ANO2: variants seen among roughly 807,000 people sequenced by gnomAD.
The protein encoded by ANO2 is anoctamin-2.
ANO2 carries 101 observed loss-of-function variants against 124.2 expected under a neutral mutation model. That is an observed-to-expected ratio of 0.81 (90% CI 0.69 to 0.96). The LOEUF is 0.96. ANO2 is among the 40% of genes least tolerant of loss of function. The pLI is 0.00. For synonymous variants in ANO2, 486 were observed against 482.5 expected (o/e 1.01, Z -0.09); for missense variants, 1,293 against 1,274.5 (o/e 1.01, Z -0.22).
At chr12:5,681,956 T>C (rs2137001717) in intron 14 of ANO2, among the ~76,000 whole-genome samples, 1 of 152,322 alleles carries the variant, frequency 6.6e-6, no homozygotes, top group South Asian at 2.1e-4. Context: ...GAAGGGATAA[T>C]TGGGGAAAAT....
At chr12:5,812,152 G>C (rs1286939460) in intron 7 of ANO2, among the ~76,000 whole-genome samples, 1 of 145,120 alleles carries the variant, frequency 6.9e-6, no homozygotes, top group Admixed American at 6.9e-5. Context: ...CAGGGCAGGG[G>C]AGTGGAGGGG....
chr12:5,703,519 T>C (rs1450340737), intron 14 of ANO2, among the ~76,000 whole-genome samples: 1 of 152,150 alleles, frequency 6.6e-6, no homozygotes. Context: ...CATGGTTCCA[T>C]GGGTATTCAT....
At position 5,854,158 on chromosome 12, in the gene ANO2, A is replaced by C. The variant is rs746642538; in HGVS notation, c.535-17T>G. On this transcript the variant is annotated splice_polypyrimidine_tract_variant and intron_variant, in intron 3 of 24. Transcript: ENST00000682330. Reference sequence around the variant, plus strand: ...GCTTTTATTCTGCAAGGTACAAAGAAAGAACAAATGGAAACACTTGTAAGG... The same window carrying C: ...GCTTTTATTCTGCAAGGTACAAAGACAGAACAAATGGAAACACTTGTAAGG... 7 of 1,606,584 alleles carry C rather than the reference A, an allele frequency of 4.4e-6. No individual in the cohort carries two copies. The highest frequency in any genetic ancestry group is 1.3e-5 in the African/African-American group (1 of 74,720).
At chr12:5,790,372 A>G (rs12300236) in intron 10 of ANO2, among the ~76,000 whole-genome samples, 22,375 of 151,846 alleles carry the variant, frequency 0.15, 1,825 homozygotes, top group African/African-American at 0.21. Context: ...CCTCTCCTGA[A>G]TTTCCCCCAC....
intron 16 of ANO2, among the ~76,000 whole-genome samples, chr12:5,616,764 A>G (rs2136912158): frequency 1.3e-5 from 2 of 152,262 alleles, no homozygotes; most frequent in Middle Eastern, 6.8e-3. Context: ...TCCCTCACCC[A>G]TCACCTTATA....
chr12:5,733,363 C>A (rs1046412185), intron 13 of ANO2, among the ~76,000 whole-genome samples: 1 of 152,138 alleles, frequency 6.6e-6, no homozygotes, highest in Non-Finnish European at 1.5e-5. Context: ...AGTGCAGATG[C>A]CGGGGTAGGA....
At chr12:5,858,275 C>T (rs4764610) in intron 3 of ANO2, among the ~76,000 whole-genome samples, 111,727 of 152,062 alleles carry the variant, frequency 0.73, 41,614 homozygotes, top group East Asian at 0.98. Context: ...TATCAAAATA[C>T]CACTCTGTAT....
Position 5,578,120 on chromosome 12 carries a change from C to T in ANO2, c.2387-113G>A, listed in dbSNP as rs1014179128. On this transcript the variant is annotated intron_variant, in intron 21 of 24. Coordinates refer to ENST00000682330, the MANE Select transcript of ANO2 (RefSeq NM_001364791.2). ...TGAACTACGGAGCAGCTTTGCTGGG[C>T]CCCCCCAGAATGGGCTTGTCTGGAA... 40 of 1,351,438 alleles carry T rather than the reference C, an allele frequency of 3.0e-5. No homozygotes were observed. In the African/African-American group the frequency reaches 3.9e-4, roughly 13 times the overall value. 83.7% of individuals were successfully genotyped at this position (1,351,438 alleles called of 1,614,324 possible).
At chr12:5,614,214 C>T (rs1156903650) in intron 17 of ANO2, among the ~76,000 whole-genome samples, 2 of 152,330 alleles carry the variant, frequency 1.3e-5, no homozygotes, top group African/African-American at 2.4e-5. Flanking sequence ...AAGAATTTCA[C>T]TGGCCTTTGT....
intron 20 of ANO2, among the ~76,000 whole-genome samples, chr12:5,581,240 T>G (rs1401607038): frequency 6.6e-6 from 1 of 152,196 alleles, no homozygotes; most frequent in Non-Finnish European, 1.5e-5. Context: ...TTCTTGATTC[T>G]AATGAGCTCA....
At position 5,591,572 on chromosome 12, in the gene ANO2, G is replaced by A. The variant is rs1294031794; in HGVS notation, c.2233+7912C>T. On this transcript the variant is annotated intron_variant, in intron 20 of 24. Coordinates refer to ENST00000682330, the MANE Select transcript of ANO2 (RefSeq NM_001364791.2). Reference sequence around the variant, plus strand: ...TAGGCAGCTAAGGGAAATTCAGCCTGTGTGTTGAGAGAGGTAGAGGATTGA... The same window carrying A: ...TAGGCAGCTAAGGGAAATTCAGCCTATGTGTTGAGAGAGGTAGAGGATTGA... Among the ~76,000 whole-genome samples, 4 of 152,308 alleles carry A rather than the reference G, an allele frequency of 2.6e-5. No homozygotes were observed. The East Asian group carries it at 7.7e-4, about 29-fold the overall frequency.
intron 16 of ANO2, among the ~76,000 whole-genome samples, chr12:5,624,314 T>C (rs1054294764): frequency 3.3e-5 from 5 of 151,240 alleles, no homozygotes; most frequent in African/African-American, 9.8e-5. Context: ...TATTCTGTTA[T>C]AGGCCAATCA....
At chr12:5,811,077 C>T (rs148795391) in intron 7 of ANO2, among the ~76,000 whole-genome samples, 327 of 152,342 alleles carry the variant, frequency 2.1e-3, no homozygotes, top group South Asian at 3.7e-3. Flanking sequence ...TCTACAAGTG[C>T]TGCTGGGTGA....
At chr12:5,707,506 TA>T (rs1324115483) in intron 14 of ANO2, among the ~76,000 whole-genome samples, 1 of 148,952 alleles carries the variant, frequency 6.7e-6, no homozygotes, top group African/African-American at 2.5e-5. Flanking sequence ...TAGTATCCTT[TA>T]TAGAGAGGAG....
At chr12:5,887,071 G>A (rs1053450600) in intron 3 of ANO2, among the ~76,000 whole-genome samples, 3 of 152,072 alleles carry the variant, frequency 2.0e-5, no homozygotes, top group Non-Finnish European at 4.4e-5. Flanking sequence ...ATTTTGAAAC[G>A]GCTAAAATGG....
intron 3 of ANO2, among the ~76,000 whole-genome samples, chr12:5,907,198 CTAT>C (rs781207296): frequency 6.6e-6 from 1 of 152,274 alleles, no homozygotes; most frequent in Non-Finnish European, 1.5e-5. Context: ...TCGGTTGTGC[CTAT>C]TTTTATAATT....
At chr12:5,806,644 C>T (rs996792123) in intron 8 of ANO2, among the ~76,000 whole-genome samples, 2 of 152,180 alleles carry the variant, frequency 1.3e-5, no homozygotes, top group Admixed American at 6.5e-5. Context: ...GTTACATTCT[C>T]GTAAACTGTC....
At chr12:5,870,452 G>A (rs1466586215) in intron 3 of ANO2, 1 of 152,238 alleles carries the variant, frequency 6.6e-6, no homozygotes, top group Non-Finnish European at 1.5e-5. Flanking sequence ...TACAATGACA[G>A]CATTGAACTA....
At chr12:5,684,859 C>G (rs11063816) in intron 14 of ANO2, among the ~76,000 whole-genome samples, 1 of 152,018 alleles carries the variant, frequency 6.6e-6, no homozygotes. Context: ...AGCACAGGTG[C>G]TGGAGTCAGG....
Sources: allele counts gnomAD v4.1 joint callset (sites outside exome capture counted in the v4.1 genomes callset), GRCh38; gene constraint gnomAD v4.1.1; transcripts MANE v1.5; gene names NCBI Gene and HGNC (gene_info 2026-07-23, HGNC 2026-07-21).